The following RNLS variants were observed in gnomAD, a reference collection of about 807,000 sequenced individuals.
The protein encoded by RNLS is renalase, FAD dependent amine oxidase.
A neutral mutation model predicts 39.8 loss-of-function variants in RNLS; 39 were observed. The observed-to-expected ratio is 0.98, with a 90% CI of 0.76 to 1.28. RNLS has a LOEUF of 1.28. RNLS is among the 50% of genes most tolerant of loss of function. The pLI is 0.00. For missense variants in RNLS, 410 were observed against 413.3 expected, an observed-to-expected ratio of 0.99 and a Z score of 0.07; for synonymous variants, 147 against 150.7, an observed-to-expected ratio of 0.98 and a Z score of 0.18.
intron 5 of RNLS, among the ~76,000 whole-genome samples, chr10:88,361,166 G>T (rs938147836): frequency 3.9e-5 from 6 of 152,120 alleles, no homozygotes; most frequent in African/African-American, 1.4e-4. Flanking sequence ...CTTCTTTTAA[G>T]GTCATCAACC....
chr10:88,220,245 T>G, the RNLS span, among the ~76,000 whole-genome samples: 1 of 152,206 alleles, frequency 6.6e-6, no homozygotes, highest in African/African-American at 2.4e-5. Flanking sequence ...CACGGCTATA[T>G]ACTTTGTTTT....
At position 88,583,102 on chromosome 10, in the gene RNLS, A is replaced by T. The variant is rs752142693; in HGVS notation, c.89T>A (p.Leu30His). The T allele has an allele frequency of 6.2e-7, 1 of 1,614,058 alleles. No homozygotes were observed. Among genetic ancestry groups the T allele is most frequent in the Non-Finnish European group, 8.5e-7 (1 of 1,179,928 alleles). The change falls in exon 1 of 7, where the codon CTT becomes CAT. Residue 30 changes from leucine (L) to histidine (H), a missense_variant. Transcript: ENST00000331772. Reference sequence around the variant, plus strand: ...GTCCTCAGCCTTGTCCCACACAGCAAGGTACAAGGGACCGGACGTCTGCCT... The same window carrying T: ...GTCCTCAGCCTTGTCCCACACAGCATGGTACAAGGGACCGGACGTCTGCCT... ...LRRQTSGPLY[L>H]AVWDKAEDSG...
the RNLS span, among the ~76,000 whole-genome samples, chr10:88,203,600 G>C: frequency 2.7e-5 from 4 of 149,326 alleles, no homozygotes; most frequent in African/African-American, 9.8e-5. Flanking sequence ...AGATTCCAGA[G>C]CTCCATTCTG....
At chr10:88,188,105 G>A in the RNLS span, among the ~76,000 whole-genome samples, 1 of 151,946 alleles carries the variant, frequency 6.6e-6, no homozygotes, top group South Asian at 2.1e-4. Context: ...TCACCAGGCT[G>A]GACTGCAGTG....
intron 4 of RNLS, among the ~76,000 whole-genome samples, chr10:88,524,918 A>T (rs1846986999): frequency 7.1e-6 from 1 of 140,242 alleles, no homozygotes; most frequent in Non-Finnish European, 1.5e-5. Context: ...GATCATTTAA[A>T]CTCCATGTAT....
At chr10:88,337,482 A>G (rs919115) in intron 5 of RNLS, among the ~76,000 whole-genome samples, 44,589 of 152,072 alleles carry the variant, frequency 0.29, 8,596 homozygotes, top group African/African-American at 0.54. Context: ...ATGGGTACAT[A>G]ACTAAAGCCA....
the RNLS span, among the ~76,000 whole-genome samples, chr10:88,236,866 G>A: frequency 3.3e-5 from 5 of 152,090 alleles, no homozygotes; most frequent in African/African-American, 7.2e-5. Context: ...TACAAGCATC[G>A]AGAAAGGGCT....
At chr10:88,509,459 G>A (rs1438238077) in intron 4 of RNLS, among the ~76,000 whole-genome samples, 1 of 146,744 alleles carries the variant, frequency 6.8e-6, no homozygotes, top group African/African-American at 2.5e-5. Context: ...AGAAAAAAAA[G>A]GAGAGAAGAG....
intron 4 of RNLS, among the ~76,000 whole-genome samples, chr10:88,572,255 C>T (rs541330208): frequency 2.0e-3 from 256 of 130,016 alleles, no homozygotes; most frequent in African/African-American, 7.1e-3. Flanking sequence ...ACTTTCCCCA[C>T]CACATGTTTT....
intron 4 of RNLS, among the ~76,000 whole-genome samples, chr10:88,378,522 T>C (rs1851206477): frequency 6.6e-6 from 1 of 152,166 alleles, no homozygotes; most frequent in African/African-American, 2.4e-5. Context: ...TGTATAAAAA[T>C]TGGCCATAAA....
chr10:88,217,829 C>G, the RNLS span, among the ~76,000 whole-genome samples: 8 of 150,662 alleles, frequency 5.3e-5, no homozygotes, highest in African/African-American at 2.0e-4. Flanking sequence ...CACCTGAGGT[C>G]AGGAGTTTGA....
chr10:88,551,312 T>C lies in RNLS; in HGVS notation c.526+21591A>G, dbSNP rs535858944. 5.3e-5 allele frequency among the ~76,000 whole-genome samples: 8 copies of C among 152,336 alleles called. No homozygotes were observed. The South Asian group carries it at 1.4e-3, about 28-fold the overall frequency. Reference sequence around the variant, plus strand: ...GTCAATTTTATCTAAAATTTTTTAATATTTTCAAAAGTCTAAAGAAAGAAA... The same window carrying C: ...GTCAATTTTATCTAAAATTTTTTAACATTTTCAAAAGTCTAAAGAAAGAAA... On this transcript the variant is annotated intron_variant, in intron 4 of 6. Coordinates refer to ENST00000331772, the MANE Select transcript of RNLS (RefSeq NM_001031709.3).
intron 4 of RNLS, among the ~76,000 whole-genome samples, chr10:88,436,739 A>G (rs1292208215): frequency 2.0e-5 from 3 of 152,048 alleles, no homozygotes; most frequent in African/African-American, 7.2e-5. Context: ...TACCCCTATA[A>G]TTAGATAAAA....
chr10:88,303,022 G>T (rs1233574564), intron 6 of RNLS, among the ~76,000 whole-genome samples: 1 of 152,210 alleles, frequency 6.6e-6, no homozygotes, highest in East Asian at 1.9e-4. Context: ...GAAGGAGAAA[G>T]CTGGGAACAC....
chr10:88,218,119 T>C, the RNLS span, among the ~76,000 whole-genome samples: 1 of 152,198 alleles, frequency 6.6e-6, no homozygotes, highest in East Asian at 1.9e-4. Flanking sequence ...CCCAGAAAGC[T>C]GGGCTCCTGG....
rs56694913 is a variant in RNLS, at chr10:88,487,009, T to A, written c.526+85894A>T. ...AAGAAAATGTGGTACATATACACAA[T>A]GGAATACAATGCAGCCATAAAAAAG... On this transcript the variant is annotated intron_variant, in intron 4 of 6. Coordinates refer to ENST00000331772, the MANE Select transcript of RNLS (RefSeq NM_001031709.3). 9.5e-3 allele frequency among the ~76,000 whole-genome samples: 1,451 copies of A among 152,210 alleles called. 67 individuals carry two copies. The East Asian group carries it at 0.14, about 15-fold the overall frequency.
chr10:88,408,431 A>G (rs1316624641), intron 4 of RNLS, among the ~76,000 whole-genome samples: 1 of 152,030 alleles, frequency 6.6e-6, no homozygotes, highest in East Asian at 1.9e-4. Flanking sequence ...GCCCTAATGA[A>G]TAAGTTTAGT....
chr10:88,452,226 T>C (rs1341185491), intron 4 of RNLS, among the ~76,000 whole-genome samples: 1 of 152,208 alleles, frequency 6.6e-6, no homozygotes, highest in Non-Finnish European at 1.5e-5. Flanking sequence ...AAGAGATGAC[T>C]AATGATAGTC....
intron 4 of RNLS, among the ~76,000 whole-genome samples, chr10:88,556,375 A>C (rs946493242): frequency 6.6e-6 from 1 of 152,144 alleles, no homozygotes; most frequent in African/African-American, 2.4e-5. Context: ...CCATGCCACC[A>C]TCATTTCTGG....
Sources: gnomAD v4.1 joint callset for allele counts (sites outside exome capture counted in the v4.1 genomes callset) on GRCh38, gnomAD v4.1.1 for gene constraint, MANE v1.5 for transcripts, NCBI Gene and HGNC (gene_info 2026-07-23, HGNC 2026-07-21) for gene names.